STAU1: variants seen among roughly 807,000 people sequenced by gnomAD.
STAU1 encodes double-stranded RNA-binding protein Staufen homolog 1.
In STAU1, 13 loss-of-function variants were observed where a neutral mutation model predicts 62.9. The ratio of observed to expected loss-of-function variants is 0.21; its 90% confidence interval spans 0.13 to 0.33. The LOEUF (loss-of-function observed/expected upper bound fraction) is 0.33. Among genes scored for constraint, STAU1 ranks in the 10% least tolerant of loss-of-function variants. The pLI is 1.00. For missense variants in STAU1, 571 were observed against 712.1 expected, an observed-to-expected ratio of 0.80 and a Z score of 2.25; for synonymous variants, 269 against 265.1, an observed-to-expected ratio of 1.01 and a Z score of -0.14.
At chr20:49,191,091 G>A (rs748193491), upstream of STAU1, among the ~76,000 whole-genome samples, 6 of 151,312 alleles carry the variant, frequency 4.0e-5, no homozygotes, top group African/African-American at 9.7e-5. Flanking sequence ...GCAGTGGCGC[G>A]ATCTCGGCTC....
chr20:49,140,982 TA>T (rs35880692), intron 5 of STAU1, among the ~76,000 whole-genome samples: 47,272 of 131,372 alleles, frequency 0.36, 7,930 homozygotes, highest in African/African-American at 0.41. Context: ...ATGATCTGTT[TA>T]AAAAAAAAAA....
At chr20:49,138,421 C>A (rs971366521) in intron 5 of STAU1, among the ~76,000 whole-genome samples, 2 of 152,154 alleles carry the variant, frequency 1.3e-5, no homozygotes, top group Non-Finnish European at 2.9e-5. Context: ...ATAATCTTTT[C>A]TTTCCAATCT....
chr20:49,216,443 G>A, the STAU1 span, among the ~76,000 whole-genome samples: 1 of 151,818 alleles, frequency 6.6e-6, no homozygotes, highest in African/African-American at 2.4e-5. Context: ...CACAAGAGTC[G>A]CTTGGACCCA....
intron 6 of STAU1, among the ~76,000 whole-genome samples, chr20:49,128,773 CAA>C (rs34891670): frequency 5.8e-5 from 6 of 102,670 alleles, no homozygotes; most frequent in East Asian, 3.0e-4. Flanking sequence ...CATCCAAATC[CAA>C]AAAAAAAAAA....
At chr20:49,153,906 C>CAAAAAAAAA in intron 4 of STAU1, 27 bp downstream of exon 4, 1 of 1,369,704 alleles carries the variant, frequency 7.3e-7, no homozygotes. Flanking sequence ...CTGTATTTTA[C>CAAAAAAAAA]AAAAAAAAAA....
chr20:49,158,944 T>C (rs373545482), intron 3 of STAU1: 1 of 1,289,120 alleles, frequency 7.8e-7, no homozygotes, highest in Non-Finnish European at 1.0e-6. Context: ...TTTACCCCCC[T>C]TGACACTTCA....
chr20:49,219,214 G>T, the STAU1 span: 1 of 778,356 alleles, frequency 1.3e-6, no homozygotes. Flanking sequence ...TTTTGAGGCC[G>T]GAGACAATGG....
chr20:49,123,725 C>G (rs2092523633), intron 7 of STAU1, among the ~76,000 whole-genome samples: 1 of 152,188 alleles, frequency 6.6e-6, no homozygotes, highest in African/African-American at 2.4e-5. Context: ...AACCCTCACT[C>G]TGCTGATCAG....
intron 1 of STAU1, among the ~76,000 whole-genome samples, chr20:49,180,954 T>C (rs2093717276): frequency 6.6e-6 from 1 of 152,080 alleles, no homozygotes; most frequent in African/African-American, 2.4e-5. Flanking sequence ...AAGCATAATT[T>C]AGAGACAAAG....
chr20:49,149,207 T>C (rs377609281), intron 5 of STAU1, among the ~76,000 whole-genome samples: 91 of 150,682 alleles, frequency 6.0e-4, no homozygotes, highest in African/African-American at 2.1e-3. Context: ...ACCAAGATCA[T>C]GCCACTACAC....
At chr20:49,132,270 G>A (rs1293561283) in intron 6 of STAU1, among the ~76,000 whole-genome samples, 1 of 152,160 alleles carries the variant, frequency 6.6e-6, no homozygotes, top group Non-Finnish European at 1.5e-5. Flanking sequence ...CAGCCACCCT[G>A]ATGGCTCACT....
At chr20:49,124,324 C>CA (rs2092540456) in intron 7 of STAU1, 51 bp downstream of exon 7, 2 of 1,580,270 alleles carry the variant, frequency 1.3e-6, no homozygotes, top group African/African-American at 1.4e-5. Flanking sequence ...CTAAACCCCC[C>CA]ACCCATCTAT....
rs1156477024 is a variant in STAU1, at chr20:49,140,393, G to A, written c.511-4462C>T. Among the ~76,000 whole-genome samples the A allele has an allele frequency of 1.2e-4, 18 of 151,824 alleles. 1 individual carries two copies. Among genetic ancestry groups the A allele is most frequent in the Admixed American group, 1.2e-3 (18 of 15,232 alleles). ...ACAGCAGCATTCACAATAGCCAGAA[G>A]GTAAAAACAACCCAAATGTCCATCA... On this transcript the variant is annotated intron_variant, in intron 5 of 13. Coordinates refer to ENST00000371856, the MANE Select transcript of STAU1 (RefSeq NM_017453.4).
chr20:49,155,993 C>T (rs1045855819), intron 3 of STAU1, among the ~76,000 whole-genome samples: 19 of 152,156 alleles, frequency 1.2e-4, no homozygotes, highest in Non-Finnish European at 2.8e-4. Flanking sequence ...ATCCCCAACC[C>T]TTCACCAGCC....
At chr20:49,137,957 G>C (rs2092925933) in intron 5 of STAU1, among the ~76,000 whole-genome samples, 1 of 151,128 alleles carries the variant, frequency 6.6e-6, no homozygotes, top group Non-Finnish European at 1.5e-5. Flanking sequence ...TGGGATTACA[G>C]ACATGAGCCA....
chr20:49,216,667 T>A, the STAU1 span, among the ~76,000 whole-genome samples: 1 of 152,150 alleles, frequency 6.6e-6, no homozygotes, highest in South Asian at 2.1e-4. Context: ...ATAAGAAATT[T>A]TTTTTTCCTT....
At chr20:49,215,355 A>C in the STAU1 span, among the ~76,000 whole-genome samples, 1 of 152,098 alleles carries the variant, frequency 6.6e-6, no homozygotes, top group South Asian at 2.1e-4. Flanking sequence ...TGTATGTATC[A>C]CCTGGTTCTG....
At chr20:49,173,408 G>A (rs1345518916) in intron 2 of STAU1, among the ~76,000 whole-genome samples, 4 of 152,142 alleles carry the variant, frequency 2.6e-5, no homozygotes, top group Non-Finnish European at 5.9e-5. Flanking sequence ...CCAACATGGC[G>A]CCATTGCACT....
At chr20:49,131,952 AG>A (rs2092759878) in intron 6 of STAU1, among the ~76,000 whole-genome samples, 1 of 152,114 alleles carries the variant, frequency 6.6e-6, no homozygotes, top group Non-Finnish European at 1.5e-5. Context: ...TGTAACTTTT[AG>A]ATAGATTTGA....
Sources: gnomAD v4.1 joint callset for allele counts (sites outside exome capture counted in the v4.1 genomes callset) on GRCh38, gnomAD v4.1.1 for gene constraint, MANE v1.5 for transcripts, NCBI Gene and HGNC (gene_info 2026-07-23, HGNC 2026-07-21) for gene names.